TLN2: variants seen among roughly 807,000 people sequenced by gnomAD.
TLN2 encodes talin 2, also known as talin-2.
In TLN2, 118 loss-of-function variants were observed where a neutral mutation model predicts 294.7. That is an observed-to-expected ratio of 0.40 (90% CI 0.34 to 0.47). TLN2 has a LOEUF of 0.47. TLN2 is among the 20% of genes least tolerant of loss of function. The pLI is 0.84. For synonymous variants in TLN2, 1,431 were observed against 1,304.5 expected (o/e 1.10, Z -2.09); for missense variants, 3,083 against 3,282.2 (o/e 0.94, Z 1.48).
intron 1 of TLN2, among the ~76,000 whole-genome samples, chr15:62,407,662 A>T (rs954151702): frequency 2.6e-5 from 4 of 152,144 alleles, no homozygotes; most frequent in Admixed American, 1.3e-4. Flanking sequence ...CATGCCTGTA[A>T]TCCCAACACT....
At chr15:62,401,792 C>T (rs960231022) in intron 1 of TLN2, among the ~76,000 whole-genome samples, 2 of 152,186 alleles carry the variant, frequency 1.3e-5, no homozygotes, top group Admixed American at 1.3e-4. Flanking sequence ...AGTCCCTTGA[C>T]CAACTCTCTT....
chr15:62,460,821 C>A (rs1212004891), intron 1 of TLN2, among the ~76,000 whole-genome samples: 1 of 152,196 alleles, frequency 6.6e-6, no homozygotes, highest in African/African-American at 2.4e-5. Flanking sequence ...ACCTGTGTAA[C>A]CTGCATCCAG....
At chr15:62,494,812 A>G (rs1007924183) in intron 1 of TLN2, among the ~76,000 whole-genome samples, 5 of 152,110 alleles carry the variant, frequency 3.3e-5, no homozygotes, top group African/African-American at 1.2e-4. Flanking sequence ...GAAAGTGGTT[A>G]GGGGATTCTA....
intron 41 of TLN2, 29 bp from the exon 42 acceptor site, chr15:62,770,935 T>G: frequency 1.9e-6 from 3 of 1,577,696 alleles, no homozygotes; most frequent in Non-Finnish European, 2.6e-6. Flanking sequence ...ACATGATACA[T>G]CTCTGGCTTT....
intron 9 of TLN2, among the ~76,000 whole-genome samples, chr15:62,673,309 G>GTTTTTTTTTTTTTTTTTTTTT (rs1379480852): frequency 1.6e-4 from 1 of 6,236 alleles, no homozygotes; most frequent in African/African-American, 2.1e-4. Flanking sequence ...TTTAGATGTT[G>GTTTTTTTTTTTTTTTTTTTTT]CTTTTTTTTT....
chr15:62,500,109 G>A (rs2039230059), intron 1 of TLN2, among the ~76,000 whole-genome samples: 3 of 151,834 alleles, frequency 2.0e-5, no homozygotes, highest in Admixed American at 2.0e-4. Context: ...GGCCAAGGCG[G>A]GCAGATCACC....
At chr15:62,665,662 AG>A (rs1377560300) in intron 9 of TLN2, among the ~76,000 whole-genome samples, 1 of 150,098 alleles carries the variant, frequency 6.7e-6, no homozygotes, top group Non-Finnish European at 1.5e-5. Flanking sequence ...ATCTTTGTTG[AG>A]AAAGAATTCA....
chr15:62,545,098 T>G (rs1028902803), intron 1 of TLN2, among the ~76,000 whole-genome samples: 1 of 84,658 alleles, frequency 1.2e-5, no homozygotes, highest in Non-Finnish European at 2.6e-5. Flanking sequence ...CCCAGCTGAT[T>G]TTTTTTTTTT....
At chr15:62,590,675 A>G (rs1421558960) in intron 2 of TLN2, among the ~76,000 whole-genome samples, 1 of 152,102 alleles carries the variant, frequency 6.6e-6, no homozygotes, top group East Asian at 1.9e-4. Context: ...TTGGTTGTAG[A>G]TTATTGTTTT....
chr15:62,541,081 G>A (rs1344023092), intron 1 of TLN2, among the ~76,000 whole-genome samples: 1 of 152,126 alleles, frequency 6.6e-6, no homozygotes. Context: ...ATTTTCGCAC[G>A]GGGCTGGGGA....
intron 2 of TLN2, among the ~76,000 whole-genome samples, chr15:62,602,390 TAGTTA>T (rs2140785615): frequency 6.6e-6 from 1 of 152,348 alleles, no homozygotes; most frequent in African/African-American, 2.4e-5. Context: ...ATTGGATACA[TAGTTA>T]AGTTCATTGG....
chr15:62,780,013 T>C (rs907672951), intron 43 of TLN2, among the ~76,000 whole-genome samples: 1 of 152,220 alleles, frequency 6.6e-6, no homozygotes, highest in African/African-American at 2.4e-5. Flanking sequence ...CTCTGAACTT[T>C]ATGGCACAGA....
rs1595771108 is a variant in TLN2, at chr15:62,717,572, G to T, written c.2764-4G>T. The T allele has an allele frequency of 3.2e-6, 5 of 1,551,768 alleles. No homozygotes were observed. The highest frequency in any genetic ancestry group is 1.3e-5 in the South Asian group (1 of 79,710). ...ATCCTGACTCATCTATCACTCCTCT[G>T]CAGGTTGCAGCCAAGCAGGCCGCAG... On this transcript the variant is annotated splice_polypyrimidine_tract_variant and splice_region_variant and intron_variant, in intron 23 of 58. Coordinates refer to ENST00000636159, the MANE Select transcript of TLN2 (RefSeq NM_015059.3).
At chr15:62,689,846 CTT>C (rs1158144919) in intron 12 of TLN2, among the ~76,000 whole-genome samples, 30 of 15,404 alleles carry the variant, frequency 1.9e-3, no homozygotes, top group East Asian at 3.6e-3. Context: ...GTATGGGCTT[CTT>C]TTTTTTTTTT....
At chr15:62,727,775 G>A (rs2140934865) in intron 28 of TLN2, among the ~76,000 whole-genome samples, 1 of 152,264 alleles carries the variant, frequency 6.6e-6, no homozygotes, top group East Asian at 1.9e-4. Flanking sequence ...ATGTTATTGT[G>A]GTAGGAAGTC....
chr15:62,679,328 T>G (rs1379594491), intron 11 of TLN2, among the ~76,000 whole-genome samples: 3 of 152,228 alleles, frequency 2.0e-5, no homozygotes, highest in Non-Finnish European at 4.4e-5. Flanking sequence ...CACACATATG[T>G]GTTCACAGCA....
At chr15:62,613,183 G>T (rs1023049265) in intron 2 of TLN2, among the ~76,000 whole-genome samples, 4 of 152,168 alleles carry the variant, frequency 2.6e-5, no homozygotes, top group Non-Finnish European at 1.5e-5. Context: ...TTGTTGTAGG[G>T]TATTTGCAAG....
Position 62,805,699 on chromosome 15 carries a change from G to A in TLN2, c.6577G>A (p.Ala2193Thr). The A allele has an allele frequency of 6.2e-7, 1 of 1,614,204 alleles. No homozygotes were observed. The highest frequency in any genetic ancestry group is 2.2e-5 in the East Asian group (1 of 44,888). ...CATGGCAACAGCCAAAGCCGTGGCA[G>A]CTGGGAACTCATGTAGACAGGAGGA... ...ITMATAKAVAAGNSCRQEDVI... is the reference protein window; with the variant it reads ...ITMATAKAVATGNSCRQEDVI... Residue 2193 changes from alanine to threonine, a missense_variant, in exon 51 of 59, where the codon GCT becomes ACT. Physicochemically the swap from Ala to Thr is moderately conservative, Grantham distance 58. Transcript: ENST00000636159.
At chr15:62,731,648 A>G (rs1048595273) in intron 28 of TLN2, among the ~76,000 whole-genome samples, 1 of 152,174 alleles carries the variant, frequency 6.6e-6, no homozygotes, top group African/African-American at 2.4e-5. Flanking sequence ...AGATATCAAG[A>G]AACTTTACTC....
Sources: allele counts gnomAD v4.1 joint callset (sites outside exome capture counted in the v4.1 genomes callset), GRCh38; gene constraint gnomAD v4.1.1; transcripts MANE v1.5; gene names NCBI Gene and HGNC (gene_info 2026-07-23, HGNC 2026-07-21).